Variants in SGK1 observed in about 807,000 individuals in gnomAD.
SGK1 encodes the protein serum/glucocorticoid regulated kinase 1.
Under a neutral mutation model 64.2 loss-of-function variants are expected in SGK1, and 26 were observed. The ratio of observed to expected loss-of-function variants is 0.40; its 90% CI spans 0.30 to 0.56. The LOEUF is 0.56. Ranked by LOEUF, SGK1 falls within the 20% of genes least tolerant of loss-of-function variation. The pLI is 0.38. For synonymous variants in SGK1, 265 were observed against 239.7 expected, an observed-to-expected ratio of 1.11 and a Z score of -0.98; for missense variants, 519 against 645.6, an observed-to-expected ratio of 0.80 and a Z score of 2.12.
chr6:134,307,604 C>T (rs899499892), intron 1 of SGK1, among the ~76,000 whole-genome samples: 5 of 152,080 alleles, frequency 3.3e-5, no homozygotes, highest in African/African-American at 1.2e-4. Flanking sequence ...ATAGCAAATA[C>T]AACATAAATG....
rs533233071 is a variant in SGK1, at chr6:134,277,111, C to T, written c.70-14963G>A. Among the ~76,000 whole-genome samples the T allele has an allele frequency of 9.2e-5, 14 of 151,986 alleles. 2 individuals carry two copies. Among genetic ancestry groups the T allele is most frequent in the African/African-American group, 3.4e-4 (14 of 41,456 alleles). On this transcript the variant is annotated intron_variant, in intron 1 of 13. Coordinates refer to ENST00000367858, the MANE Select transcript of SGK1 (RefSeq NM_001143676.3). The stretch of plus-strand genomic sequence containing the variant: ...ACCCAGGGTGAGGTGCAGTGGCTCA[C>T]GCCTGTAACCCCAGCACTTTGGGAG...
Position 134,275,933 on chromosome 6 carries a change from G to A in SGK1, c.70-13785C>T, listed in dbSNP as rs140083674. On this transcript the variant is annotated intron_variant, in intron 1 of 13. Transcript: ENST00000367858. Reference sequence around the variant, plus strand: ...TTTGGGTATTCATTTGTTTAAGTGGGAGCACACATTCATTGCTTTGCTTGT... The same window carrying A: ...TTTGGGTATTCATTTGTTTAAGTGGAAGCACACATTCATTGCTTTGCTTGT... 5.9e-3 allele frequency among the ~76,000 whole-genome samples: 900 copies of A among 152,276 alleles called. 3 individuals carry two copies. Among genetic ancestry groups the A allele is most frequent in the Middle Eastern group, 0.017 (5 of 294 alleles).
At chr6:134,271,767 C>CT (rs1776943025) in intron 1 of SGK1, among the ~76,000 whole-genome samples, 1 of 148,022 alleles carries the variant, frequency 6.8e-6, no homozygotes, top group African/African-American at 2.4e-5. Flanking sequence ...TCCTCCCACT[C>CT]TTCACCCTCC....
At chr6:134,291,878 T>C (rs796585970) in intron 1 of SGK1, among the ~76,000 whole-genome samples, 5 of 152,146 alleles carry the variant, frequency 3.3e-5, no homozygotes, top group East Asian at 1.9e-4. Flanking sequence ...CTGACCAACA[T>C]GGTGAAACTC....
At chr6:134,255,951 C>G (rs535555403) in intron 2 of SGK1, among the ~76,000 whole-genome samples, 1 of 152,062 alleles carries the variant, frequency 6.6e-6, no homozygotes, top group African/African-American at 2.4e-5. Context: ...ACAGAATTTG[C>G]CCATTTTTCT....
chr6:134,186,836 A>G (rs1434154114), intron 3 of SGK1, among the ~76,000 whole-genome samples: 5 of 149,356 alleles, frequency 3.3e-5, no homozygotes, highest in South Asian at 2.1e-4. Flanking sequence ...TTTTTTTTTG[A>G]GACGCAGTCT....
At chr6:134,175,654 T>A in intron 3 of SGK1, 2 of 1,515,366 alleles carry the variant, frequency 1.3e-6, no homozygotes, top group Non-Finnish European at 1.8e-6. Flanking sequence ...GCCCTGCATC[T>A]CCCCCATGGG....
chr6:134,216,362 A>C (rs988578908), intron 2 of SGK1, among the ~76,000 whole-genome samples: 1 of 152,216 alleles, frequency 6.6e-6, no homozygotes, highest in Admixed American at 6.5e-5. Flanking sequence ...AAGTAGCAAA[A>C]ATACTTTATC....
At chr6:134,246,723 G>T (rs1001731686) in intron 2 of SGK1, among the ~76,000 whole-genome samples, 3 of 152,056 alleles carry the variant, frequency 2.0e-5, no homozygotes, top group Non-Finnish European at 2.9e-5. Context: ...CTCCTGAGTA[G>T]CTGGGATTAC....
At chr6:134,192,834 C>T (rs1775536800) in intron 3 of SGK1, among the ~76,000 whole-genome samples, 1 of 152,214 alleles carries the variant, frequency 6.6e-6, no homozygotes, top group African/African-American at 2.4e-5. Context: ...GCTGGGATTA[C>T]AGGCGGGAGC....
intron 3 of SGK1, among the ~76,000 whole-genome samples, chr6:134,192,320 G>C (rs1775527897): frequency 6.6e-6 from 1 of 151,802 alleles, no homozygotes; most frequent in African/African-American, 2.4e-5. Flanking sequence ...CATTTAAGAG[G>C]AAAGGTCAGG....
chr6:134,252,616 C>CAACA (rs1776622005), intron 2 of SGK1, among the ~76,000 whole-genome samples: 1 of 65,990 alleles, frequency 1.5e-5, no homozygotes, highest in Non-Finnish European at 2.5e-5. Context: ...GATTCCACCT[C>CAACA]AAAAAAAAAA....
chr6:134,259,010 GTA>G (rs1319387186), intron 2 of SGK1, among the ~76,000 whole-genome samples: 1 of 151,996 alleles, frequency 6.6e-6, no homozygotes, highest in Non-Finnish European at 1.5e-5. Flanking sequence ...ATAAAATAAA[GTA>G]TGTGTCATTT....
At chr6:134,215,217 G>A (rs986098654) in intron 2 of SGK1, 16 of 394,346 alleles carry the variant, frequency 4.1e-5, no homozygotes, top group Non-Finnish European at 5.4e-5. Flanking sequence ...CTGGGTTCAA[G>A]CAATTCTCGT....
At position 134,172,342 on chromosome 6, in the gene SGK1, G is replaced by C. The variant is rs1480124228; in HGVS notation, c.948-26C>G. 3.4e-5 allele frequency: 55 copies of C among 1,600,110 alleles called. No homozygotes were observed. In the Admixed American group the frequency reaches 9.4e-4, roughly 27 times the overall value. On this transcript the variant is annotated intron_variant, in intron 9 of 13. Coordinates refer to ENST00000367858, the MANE Select transcript of SGK1 (RefSeq NM_001143676.3). ...CTGTAAAAAAGTGAATAGAAAAGTA[G>C]TTGCACAAGTTAATTTCACTTCATA...
At chr6:134,208,199 A>G (rs1775825240) in intron 2 of SGK1, among the ~76,000 whole-genome samples, 1 of 152,200 alleles carries the variant, frequency 6.6e-6, no homozygotes, top group Non-Finnish European at 1.5e-5. Flanking sequence ...AGCGTGAACC[A>G]CCGCACCTGG....
chr6:134,313,676 G>A (rs1287319834), intron 1 of SGK1, among the ~76,000 whole-genome samples: 3 of 152,048 alleles, frequency 2.0e-5, no homozygotes, highest in African/African-American at 2.4e-5. Context: ...GGAAGTCAGA[G>A]GGAGAATTTC....
In SGK1 at chr6:134,172,596, A is replaced by G; in HGVS notation, c.947+66T>C. The G allele has an allele frequency of 2.8e-6, 3 of 1,067,778 alleles. No individual in the cohort carries two copies. In the South Asian group the frequency reaches 4.0e-5, roughly 14 times the overall value. The allele number at this position is 1,067,778 out of a possible 1,614,324, so 66.1% of individuals were successfully genotyped here. The stretch of plus-strand genomic sequence containing the variant: ...TAAACACAAATTATTTTAAGGCCCT[A>G]TGAAACAGCCAGTGCTACGTCTCCT... On this transcript the variant is annotated intron_variant, in intron 9 of 13. Transcript: ENST00000367858.
chr6:134,285,454 G>T (rs556806735), intron 1 of SGK1, among the ~76,000 whole-genome samples: 24 of 148,584 alleles, frequency 1.6e-4, no homozygotes, highest in African/African-American at 5.5e-4. Flanking sequence ...CTCCAGCCTG[G>T]GCGACAGAGT....
Sources: gnomAD v4.1 joint callset for allele counts (sites outside exome capture counted in the v4.1 genomes callset) on GRCh38, gnomAD v4.1.1 for gene constraint, MANE v1.5 for transcripts, NCBI Gene and HGNC (gene_info 2026-07-23, HGNC 2026-07-21) for gene names.